Variants in DCAF6 observed in about 807,000 individuals in gnomAD.
DCAF6 encodes DDB1- and CUL4-associated factor 6.
A neutral mutation model predicts 125.1 loss-of-function variants in DCAF6; 54 were observed. The observed-to-expected ratio is 0.43, with a 90% confidence interval of 0.35 to 0.54. DCAF6 has a LOEUF of 0.54. DCAF6 is among the 20% of genes least tolerant of loss of function. The probability of loss-of-function intolerance (pLI) is 0.01; values close to 1 mark genes in which losing one functional copy is unlikely to be tolerated. For synonymous variants in DCAF6, 371 were observed against 390.4 expected (o/e 0.95, Z 0.58); for missense variants, 934 against 1,161.7 (o/e 0.80, Z 2.85).
At chr1:167,901,979 C>G in the DCAF6 span, 1 of 1,613,156 alleles carries the variant, frequency 6.2e-7, no homozygotes, top group Admixed American at 1.7e-5. Flanking sequence ...CCTCAGCACT[C>G]CTTTCTTACC....
the DCAF6 span, chr1:167,905,242 G>T: frequency 1.5e-6 from 2 of 1,360,634 alleles, no homozygotes; most frequent in Non-Finnish European, 2.1e-6. Flanking sequence ...ATATTCATTT[G>T]CTCATTTTCC....
chr1:168,050,904 A>T lies in DCAF6; in HGVS notation c.2271A>T (p.Arg757Ser). ...TTCCCTTCACTAGATTTAATATCAGAGGAACAACAATAGGTGATAGAATAA... is the reference window on the plus strand; with the variant it reads ...TTCCCTTCACTAGATTTAATATCAGTGGAACAACAATAGGTGATAGAATAA... ...RAGPGDRFNIRGTTIGDRIMR... is the reference protein window; with the variant it reads ...RAGPGDRFNISGTTIGDRIMR... Residue 757 changes from arginine to serine, a missense_variant, in exon 17 of 22, where the codon AGA becomes AGT. Transcript: ENST00000367840. 7.2e-7 allele frequency: 1 copy of T among 1,381,422 alleles called. No individual in the cohort carries two copies. Among genetic ancestry groups the T allele is most frequent in the East Asian group, 2.6e-5 (1 of 38,742 alleles). The allele number at this position is 1,381,422 out of a possible 1,614,324, so 85.6% of individuals were successfully genotyped here.
chr1:167,940,734 C>A (rs1003306495), intron 1 of DCAF6, among the ~76,000 whole-genome samples: 2 of 152,052 alleles, frequency 1.3e-5, no homozygotes, highest in African/African-American at 4.8e-5. Context: ...TGTTTCTACT[C>A]ATATTTCTTT....
the DCAF6 span, among the ~76,000 whole-genome samples, chr1:167,884,917 C>T: frequency 1.2e-3 from 190 of 152,126 alleles, 1 homozygote; most frequent in African/African-American, 4.4e-3. Context: ...AGACTGGTCT[C>T]GAACTCCTGA....
chr1:167,933,940 A>G (rs958803086), upstream of DCAF6, among the ~76,000 whole-genome samples: 4 of 152,206 alleles, frequency 2.6e-5, no homozygotes, highest in Non-Finnish European at 4.4e-5. Flanking sequence ...TTTTCACAAC[A>G]ATCCTGAAAT....
chr1:167,968,304 C>T (rs1431000705), intron 3 of DCAF6, among the ~76,000 whole-genome samples: 1 of 152,056 alleles, frequency 6.6e-6, no homozygotes, highest in Non-Finnish European at 1.5e-5. Context: ...TACTATGAAC[C>T]GCCACTAACC....
intron 13 of DCAF6, among the ~76,000 whole-genome samples, chr1:168,039,718 A>G (rs1688269459): frequency 6.8e-6 from 1 of 148,042 alleles, no homozygotes; most frequent in Non-Finnish European, 1.5e-5. Flanking sequence ...TTAATATATG[A>G]TCATGTTATC....
At chr1:168,009,345 CCCTTCCTT>C (rs199573600) in intron 10 of DCAF6, among the ~76,000 whole-genome samples, 15,742 of 127,670 alleles carry the variant, frequency 0.12, 1,005 homozygotes, top group East Asian at 0.16. Context: ...CTTCCTTCCT[CCCTTCCTT>C]CCTTCCTTCC....
At chr1:168,042,911 T>C in intron 13 of DCAF6, 114 bp from the exon 14 acceptor site, 1 of 629,190 alleles carries the variant, frequency 1.6e-6, no homozygotes, top group Non-Finnish European at 2.8e-6. Context: ...TTATAAATCC[T>C]ACATTTTACT....
chr1:168,044,339 A>C (rs1423801093), intron 14 of DCAF6, among the ~76,000 whole-genome samples: 1 of 152,208 alleles, frequency 6.6e-6, no homozygotes, highest in East Asian at 1.9e-4. Context: ...TGACAATAAA[A>C]AGGAACATAG....
chr1:167,880,194 G>A, the DCAF6 span: 4 of 1,611,608 alleles, frequency 2.5e-6, no homozygotes, highest in African/African-American at 5.3e-5. Context: ...ATACAGTTCT[G>A]GTGCAGGGGA....
chr1:167,894,010 G>C, the DCAF6 span: 1 of 1,070,498 alleles, frequency 9.3e-7, no homozygotes. Flanking sequence ...GTGAGAGGAG[G>C]CTCCCAGTCC....
chr1:167,966,775 C>T, intron 3 of DCAF6, 54 bp downstream of exon 3: 1 of 1,099,802 alleles, frequency 9.1e-7, no homozygotes, highest in Non-Finnish European at 1.4e-6. Context: ...ATCAAGAAGG[C>T]AGAAATGAAG....
chr1:167,932,436 C>T (rs1474782887), upstream of DCAF6, among the ~76,000 whole-genome samples: 1 of 152,110 alleles, frequency 6.6e-6, no homozygotes, highest in East Asian at 1.9e-4. Context: ...GGATGACTTA[C>T]CCCATTTTGG....
chr1:167,874,236 C>T, the DCAF6 span, among the ~76,000 whole-genome samples: 2 of 152,082 alleles, frequency 1.3e-5, no homozygotes, highest in African/African-American at 2.4e-5. Context: ...GAGGCTGAGT[C>T]CTGAGAATCA....
At chr1:168,054,360 T>A (rs1213175551) in intron 17 of DCAF6, among the ~76,000 whole-genome samples, 1 of 152,190 alleles carries the variant, frequency 6.6e-6, no homozygotes, top group Non-Finnish European at 1.5e-5. Context: ...CTTCTCTTCC[T>A]CTTCTTATAA....
chr1:167,880,143 A>G, the DCAF6 span: 1 of 1,613,346 alleles, frequency 6.2e-7, no homozygotes, highest in African/African-American at 1.3e-5. Context: ...CAGTGTGTCC[A>G]ACGATCCCAC....
chr1:167,992,104 G>A (rs1400555020), intron 6 of DCAF6, among the ~76,000 whole-genome samples: 1 of 152,108 alleles, frequency 6.6e-6, no homozygotes, highest in African/African-American at 2.4e-5. Flanking sequence ...TTACCTTAAA[G>A]TGCTGTTAAT....
At chr1:167,926,981 T>C in the DCAF6 span, among the ~76,000 whole-genome samples, 1 of 152,252 alleles carries the variant, frequency 6.6e-6, no homozygotes, top group Non-Finnish European at 1.5e-5. Context: ...TTCTATCATT[T>C]TCTGTTAAAA....
Sources: gnomAD v4.1 joint callset for allele counts (sites outside exome capture counted in the v4.1 genomes callset) on GRCh38, gnomAD v4.1.1 for gene constraint, MANE v1.5 for transcripts, NCBI Gene and HGNC (gene_info 2026-07-23, HGNC 2026-07-21) for gene names.